Variants in RFTN1 observed in about 807,000 individuals in gnomAD.
The protein encoded by RFTN1 is raftlin, lipid raft linker 1.
RFTN1 carries 26 observed loss-of-function variants against 46.5 expected under a neutral mutation model. The ratio of observed to expected loss-of-function variants is 0.56; its 90% confidence interval spans 0.41 to 0.78. RFTN1 has a LOEUF of 0.78. RFTN1 is among the 30% of genes least tolerant of loss of function. RFTN1 has a pLI of 0.00. For synonymous variants in RFTN1, 261 were observed against 284.2 expected (o/e 0.92, Z 0.82); for missense variants, 693 against 718.7 (o/e 0.96, Z 0.41).
intron 4 of RFTN1, among the ~76,000 whole-genome samples, chr3:16,391,945 C>T (rs1206115562): frequency 7.2e-6 from 1 of 138,528 alleles, no homozygotes; most frequent in Non-Finnish European, 1.5e-5. Context: ...AAACATCCCA[C>T]CTAAATGGCT....
chr3:16,399,372 A>G (rs2074549680), intron 4 of RFTN1, among the ~76,000 whole-genome samples: 1 of 152,152 alleles, frequency 6.6e-6, no homozygotes, highest in Non-Finnish European at 1.5e-5. Context: ...TACCCCAAAA[A>G]CATTTTGGAT....
chr3:16,339,907 T>G (rs564625186), intron 7 of RFTN1: 9 of 152,272 alleles, frequency 5.9e-5, no homozygotes, highest in Non-Finnish European at 1.0e-4. Flanking sequence ...TGTCTTGTAC[T>G]CTCAAAGTCT....
intron 6 of RFTN1, among the ~76,000 whole-genome samples, chr3:16,362,924 G>T (rs1482102665): frequency 1.3e-5 from 2 of 152,148 alleles, no homozygotes; most frequent in African/African-American, 4.8e-5. Flanking sequence ...GGCCTGGGAA[G>T]GGGGCTGTGT....
Position 16,506,352 on chromosome 3 carries a change from G to A in RFTN1, c.-9+7090C>T, listed in dbSNP as rs184930917. Among the ~76,000 whole-genome samples the A allele has an allele frequency of 6.6e-6, 1 of 152,256 alleles. No individual in the cohort carries two copies. The highest frequency in any genetic ancestry group is 6.5e-5 in the Admixed American group (1 of 15,298). The stretch of plus-strand genomic sequence containing the variant: ...GGAGACAGAGCGTAGGCCTGGCCGG[G>A]CCGTGAGCACTTCAGCTTTACCCTG... On this transcript the variant is annotated intron_variant, in intron 1 of 9. Transcript: ENST00000334133. The surrounding 1 kb of genome is among the most constrained non-coding windows in gnomAD (Gnocchi z 4.8).
chr3:16,392,791 C>T (rs975905525), intron 4 of RFTN1, among the ~76,000 whole-genome samples: 11 of 152,010 alleles, frequency 7.2e-5, no homozygotes, highest in Non-Finnish European at 1.2e-4. Flanking sequence ...CAGGTGATAT[C>T]CAACCCTCAC....
intron 2 of RFTN1, among the ~76,000 whole-genome samples, chr3:16,490,709 A>C (rs539633324): frequency 6.6e-6 from 1 of 152,262 alleles, no homozygotes; most frequent in Non-Finnish European, 1.5e-5. Context: ...TGCTTATCAC[A>C]ACATTATTTG....
At chr3:16,417,890 T>C (rs545588630) in intron 3 of RFTN1, among the ~76,000 whole-genome samples, 3 of 152,290 alleles carry the variant, frequency 2.0e-5, no homozygotes, top group Admixed American at 6.5e-5. Context: ...ATATTTTTTA[T>C]AGAGACAGGG....
rs1470533967 is a variant in RFTN1 at position 16,457,907 on chromosome 3, T to C, written c.146-23870A>G. ...CCTTATGAGTGGATTAATATCATTATAAAAGGGTTTCACAGACAGAGTTTG... is the reference window on the plus strand; with the variant it reads ...CCTTATGAGTGGATTAATATCATTACAAAAGGGTTTCACAGACAGAGTTTG... On this transcript the variant is annotated intron_variant, in intron 2 of 9. Transcript: ENST00000334133. This position sits in a 1 kb window ranked among gnomAD's most constrained non-coding sequence, Gnocchi z 4.2. 1.3e-5 allele frequency among the ~76,000 whole-genome samples: 2 copies of C among 152,172 alleles called. No individual in the cohort carries two copies. The highest frequency in any genetic ancestry group is 2.9e-5 in the Non-Finnish European group (2 of 68,032).
At chr3:16,367,494 C>T (rs755055617) in intron 6 of RFTN1, among the ~76,000 whole-genome samples, 49 of 152,234 alleles carry the variant, frequency 3.2e-4, no homozygotes, top group Non-Finnish European at 5.7e-4. Flanking sequence ...TGCAGCCCTC[C>T]CTGACATAGA....
intron 2 of RFTN1, chr3:16,482,937 C>A: frequency 2.0e-6 from 2 of 991,490 alleles, no homozygotes; most frequent in South Asian, 3.1e-5. Flanking sequence ...AACTCTGACC[C>A]TGGGGCCTCT....
At chr3:16,423,588 G>A (rs1466596584) in intron 3 of RFTN1, among the ~76,000 whole-genome samples, 1 of 152,120 alleles carries the variant, frequency 6.6e-6, no homozygotes, top group Non-Finnish European at 1.5e-5. Context: ...GGGGAATAAA[G>A]ATAATATATA....
rs370820242 is a variant in RFTN1 at position 16,345,788 on chromosome 3, C to CTGTGTGTGTGTGTGTGTGTGTGTG, written c.1146+12120_1146+12143dup. Among the ~76,000 whole-genome samples, 29 of 127,242 alleles carry CTGTGTGTGTGTGTGTGTGTGTGTG rather than the reference C, an allele frequency of 2.3e-4. No individual in the cohort carries two copies. Among genetic ancestry groups the CTGTGTGTGTGTGTGTGTGTGTGTG allele is most frequent in the African/African-American group, 7.5e-4 (25 of 33,124 alleles). The allele number at this position is 127,242 out of a possible 152,430, so 83.5% of individuals were successfully genotyped here. Reference sequence around the variant, plus strand: ...TGAGCCAAAACCTTATAATAAATCTCTGTGTGTGTGTGTGTGTGTGTGTGT... The same window carrying CTGTGTGTGTGTGTGTGTGTGTGTG: ...TGAGCCAAAACCTTATAATAAATCTCTGTGTGTGTGTGTGTGTGTGTGTGTGTGTGTGTGTGTGTGTGTGTGTGT... On this transcript the variant is annotated intron_variant, in intron 7 of 9. Transcript: ENST00000334133. The surrounding 1 kb of genome is among the most constrained non-coding windows in gnomAD (Gnocchi z 5.2).
chr3:16,442,702 C>T lies in RFTN1; in HGVS notation c.146-8665G>A, dbSNP rs1038792918. Among the ~76,000 whole-genome samples the T allele has an allele frequency of 1.3e-5, 2 of 152,190 alleles. No individual in the cohort carries two copies. Among genetic ancestry groups the T allele is most frequent in the Admixed American group, 1.3e-4 (2 of 15,284 alleles). On this transcript the variant is annotated intron_variant, in intron 2 of 9. Transcript: ENST00000334133. The surrounding 1 kb of genome is among the most constrained non-coding windows in gnomAD (Gnocchi z 4.1). ...ATTTACTTATCATACATAACTGCAA[C>T]TTTGTACCTTTGACCTACAACTCCC...
chr3:16,347,447 G>T (rs1054333226), intron 7 of RFTN1: 5 of 152,240 alleles, frequency 3.3e-5, no homozygotes, highest in African/African-American at 1.2e-4. Flanking sequence ...GGAGGCTAGG[G>T]GGAGAATCCG....
chr3:16,512,427 A>ATTTT lies in RFTN1; in HGVS notation c.-9+1014_-9+1015insAAAA, dbSNP rs1559384609. On this transcript the variant is annotated intron_variant, in intron 1 of 9. Coordinates refer to ENST00000334133, the MANE Select transcript of RFTN1 (RefSeq NM_015150.2). The surrounding 1 kb of genome is among the most constrained non-coding windows in gnomAD (Gnocchi z 4.3). ...GAGATTGAGCCAGACTTTTTTTTTA[A>ATTTT]AAAAGTACTTCTTGTTTGTTTGTTT... Among the ~76,000 whole-genome samples, 2 of 32,670 alleles carry ATTTT rather than the reference A, an allele frequency of 6.1e-5. No homozygotes were observed. The highest frequency in any genetic ancestry group is 9.8e-5 in the Non-Finnish European group (2 of 20,474). The allele number at this position is 32,670 out of a possible 152,430, so 21.4% of individuals were successfully genotyped here. A position where few individuals can be genotyped will look rare whatever the true frequency, so the allele number is the denominator to read the frequency against.
rs1211012097 is a variant in RFTN1 at position 16,383,898 on chromosome 3, G to T, written c.442-5796C>A. Among the ~76,000 whole-genome samples, 1 of 152,224 alleles carries T rather than the reference G, an allele frequency of 6.6e-6. No individual in the cohort carries two copies. Among genetic ancestry groups the T allele is most frequent in the Non-Finnish European group, 1.5e-5 (1 of 68,036 alleles). On this transcript the variant is annotated intron_variant, in intron 4 of 9. Transcript: ENST00000334133. This position sits in a 1 kb window ranked among gnomAD's most constrained non-coding sequence, Gnocchi z 4.0. ...GTTTTGTCTGACTCTAAGGAGGATGGTGTCACAGTTAATTTTATGTCCACT... is the reference window on the plus strand; with the variant it reads ...GTTTTGTCTGACTCTAAGGAGGATGTTGTCACAGTTAATTTTATGTCCACT...
chr3:16,470,984 T>C (rs1314311633), intron 2 of RFTN1, among the ~76,000 whole-genome samples: 1 of 152,168 alleles, frequency 6.6e-6, no homozygotes, highest in African/African-American at 2.4e-5. Context: ...TTGTTAAAGG[T>C]AAAATATGCA....
At chr3:16,403,573 C>T (rs550347700) in intron 4 of RFTN1, among the ~76,000 whole-genome samples, 3 of 100,552 alleles carry the variant, frequency 3.0e-5, no homozygotes, top group African/African-American at 9.0e-5. Context: ...CACACACACA[C>T]ATATATTATA....
chr3:16,494,801 G>A (rs886397625), intron 1 of RFTN1, among the ~76,000 whole-genome samples: 1 of 152,144 alleles, frequency 6.6e-6, no homozygotes, highest in African/African-American at 2.4e-5. Context: ...AAGGATAAAC[G>A]ATGCTTTCCT....
Sources: gnomAD v4.1 joint callset for allele counts (sites outside exome capture counted in the v4.1 genomes callset) on GRCh38, gnomAD v4.1.1 for gene constraint, Gnocchi (gnomAD v3.1) non-coding constraint, MANE v1.5 for transcripts, NCBI Gene and HGNC (gene_info 2026-07-23, HGNC 2026-07-21) for gene names.